The following TLE3 variants were observed in gnomAD, a reference collection of about 807,000 sequenced individuals.
TLE3 encodes the protein TLE family member 3, transcriptional corepressor.
TLE3 carries 14 observed loss-of-function variants against 93.0 expected under a neutral mutation model. The observed-to-expected ratio is 0.15, with a 90% CI of 0.10 to 0.24. TLE3 has a LOEUF of 0.24. Ranked by LOEUF, TLE3 falls within the 10% of genes least tolerant of loss-of-function variation. The probability of loss-of-function intolerance (pLI) is 1.00; values close to 1 mark genes in which losing one functional copy is unlikely to be tolerated. For synonymous variants in TLE3, 451 were observed against 425.0 expected, an observed-to-expected ratio of 1.06 and a Z score of -0.75; for missense variants, 693 against 1,046.6, an observed-to-expected ratio of 0.66 and a Z score of 4.66.
rs953666134 is a variant in TLE3, at chr15:70,052,329, G to A, written c.2125+45C>T. ...GTCCTGTTGGGCCAGGCTGCCCTGG[G>A]TTCCCCACCCCACTCCATCAGGCCT... is the stretch of plus-strand genomic sequence containing the variant. On this transcript the variant is annotated intron_variant, in intron 18 of 19. Coordinates refer to ENST00000451782, the MANE Select transcript of TLE3 (RefSeq NM_001105192.3). 3 of 1,598,032 alleles carry A rather than the reference G, an allele frequency of 1.9e-6. No homozygotes were observed. The African/African-American group carries it at 4.0e-5, about 21-fold the overall frequency.
At chr15:70,051,720 C>T (rs992272934) in intron 18 of TLE3, among the ~76,000 whole-genome samples, 24 of 152,132 alleles carry the variant, frequency 1.6e-4, no homozygotes, top group African/African-American at 5.1e-4. Flanking sequence ...GCAGTGATAA[C>T]GCTGCCTCAA....
chr15:70,084,717 G>A (rs146151173), intron 4 of TLE3, among the ~76,000 whole-genome samples: 285 of 150,790 alleles, frequency 1.9e-3, no homozygotes, highest in African/African-American at 6.6e-3. Context: ...TATCTGATGC[G>A]TGGCGCCCAC....
chr15:70,097,728 G>C lies in TLE3; in HGVS notation c.-930C>G. 5.1e-6 allele frequency: 2 copies of C among 395,736 alleles called. No homozygotes were observed. Among genetic ancestry groups the C allele is most frequent in the Admixed American group, 4.4e-5 (1 of 22,630 alleles). 24.5% of individuals were successfully genotyped at this position (395,736 alleles called of 1,614,324 possible). ...CTCTACGGCTTCCTTCCTTCCCCTC[G>C]GCCCGGCTCTCCTCTCCGCGCCCCG... On this transcript the variant is annotated 5_prime_UTR_variant, in exon 1 of 20. Transcript: ENST00000451782.
chr15:70,074,713 G>C (rs1400554502), intron 5 of TLE3, 106 bp from the exon 6 acceptor site: 1 of 881,956 alleles, frequency 1.1e-6, no homozygotes, highest in African/African-American at 1.7e-5. Context: ...AGAGCAGACA[G>C]AGGAGTCCCA....
At chr15:70,080,398 C>G (rs371918568) in intron 4 of TLE3, among the ~76,000 whole-genome samples, 2 of 152,120 alleles carry the variant, frequency 1.3e-5, no homozygotes, top group Non-Finnish European at 2.9e-5. Context: ...AAAGCAGGCG[C>G]TTTGTTGGTG....
At chr15:70,062,686 A>T (rs1170926909) in intron 8 of TLE3, among the ~76,000 whole-genome samples, 7 of 150,754 alleles carry the variant, frequency 4.6e-5, no homozygotes, top group Non-Finnish European at 8.8e-5. Flanking sequence ...TCCCACTCTG[A>T]CACAGCCCTG....
At chr15:70,070,239 G>A (rs1042629200) in intron 6 of TLE3, among the ~76,000 whole-genome samples, 1 of 152,260 alleles carries the variant, frequency 6.6e-6, no homozygotes, top group Non-Finnish European at 1.5e-5. Context: ...CCACACAAGT[G>A]ATAAGCACCC....
chr15:70,083,532 C>G (rs985175492), intron 4 of TLE3, among the ~76,000 whole-genome samples: 6 of 127,894 alleles, frequency 4.7e-5, no homozygotes, highest in African/African-American at 1.2e-4. Context: ...TTCCCTCTCT[C>G]CTTCCCCCTC....
Position 70,097,816 on chromosome 15 carries a change from CAAA to C in TLE3, c.-1021_-1019del. The C allele has an allele frequency of 6.1e-6, 2 of 329,378 alleles. No homozygotes were observed. Among genetic ancestry groups the C allele is most frequent in the East Asian group, 4.5e-5 (1 of 22,416 alleles). 20.4% of individuals were successfully genotyped at this position (329,378 alleles called of 1,614,324 possible). ...CGCGCGCACGCACACACACACACAC[CAAA>C]AAAAAAAGTGCCCCGGACCTACGGA... On this transcript the variant is annotated 5_prime_UTR_variant, in exon 1 of 20. Coordinates refer to ENST00000451782, the MANE Select transcript of TLE3 (RefSeq NM_001105192.3).
intron 6 of TLE3, among the ~76,000 whole-genome samples, chr15:70,071,554 T>C (rs182322232): frequency 1.3e-5 from 2 of 152,296 alleles, no homozygotes; most frequent in Admixed American, 1.3e-4. Context: ...TGATTTCTCT[T>C]TGAGTTGAGT....
At chr15:70,078,800 T>C (rs2057588731) in intron 4 of TLE3, among the ~76,000 whole-genome samples, 1 of 152,150 alleles carries the variant, frequency 6.6e-6, no homozygotes, top group Non-Finnish European at 1.5e-5. Context: ...ACATCCCCAG[T>C]CATTCTGGCC....
At position 70,054,796 on chromosome 15, in the gene TLE3, C is replaced by G. The variant is rs1410479098; in HGVS notation, c.1579-111G>C. The stretch of plus-strand genomic sequence containing the variant: ...TCACCAGTCCTGCTTACAGCCTCCC[C>G]CTATACCCAGCAGCTGCCAGGCTGT... On this transcript the variant is annotated intron_variant, in intron 15 of 19. Coordinates refer to ENST00000451782, the MANE Select transcript of TLE3 (RefSeq NM_001105192.3). 9.3e-6 allele frequency: 13 copies of G among 1,396,354 alleles called. No individual in the cohort carries two copies. In the East Asian group the frequency reaches 2.0e-4, roughly 22 times the overall value. 86.5% of individuals were successfully genotyped at this position (1,396,354 alleles called of 1,614,324 possible).
Position 70,097,873 on chromosome 15 carries a change from A to T in TLE3, c.-1075T>A, listed in dbSNP as rs1041885682. The T allele has an allele frequency of 6.3e-6, 2 of 317,100 alleles. No homozygotes were observed. The highest frequency in any genetic ancestry group is 3.2e-4 in the South Asian group (2 of 6,338). 19.6% of individuals were successfully genotyped at this position (317,100 alleles called of 1,614,324 possible). On this transcript the variant is annotated 5_prime_UTR_variant, in exon 1 of 20. Coordinates refer to ENST00000451782, the MANE Select transcript of TLE3 (RefSeq NM_001105192.3). ...CACACACAGACAGGCGAAGGGGACGAGCACGAGGTCTGAACTGCCGCGAGA... is the reference window on the plus strand; with the variant it reads ...CACACACAGACAGGCGAAGGGGACGTGCACGAGGTCTGAACTGCCGCGAGA...
At chr15:70,052,005 C>CG (rs2055595735) in intron 18 of TLE3, among the ~76,000 whole-genome samples, 2 of 152,214 alleles carry the variant, frequency 1.3e-5, no homozygotes, top group South Asian at 2.1e-4. Context: ...CAAGACTGCA[C>CG]AGCTTGTCAG....
At chr15:70,056,999 C>T (rs1342588874) in intron 13 of TLE3, among the ~76,000 whole-genome samples, 2 of 152,216 alleles carry the variant, frequency 1.3e-5, no homozygotes, top group Admixed American at 6.5e-5. Context: ...GTGATCCACC[C>T]GCCTTGGCCT....
intron 4 of TLE3, among the ~76,000 whole-genome samples, chr15:70,089,897 G>T (rs1052567603): frequency 6.6e-6 from 1 of 152,212 alleles, no homozygotes; most frequent in African/African-American, 2.4e-5. Flanking sequence ...GAAGAACTCC[G>T]TGTCTGCCAC....
chr15:70,074,943 T>A (rs1042112996), intron 5 of TLE3, among the ~76,000 whole-genome samples: 1 of 152,246 alleles, frequency 6.6e-6, no homozygotes, highest in African/African-American at 2.4e-5. Flanking sequence ...TATTACAGGA[T>A]GATTATTAAT....
chr15:70,052,796 A>G, intron 17 of TLE3: 1 of 335,172 alleles, frequency 3.0e-6, no homozygotes, highest in South Asian at 9.2e-5. Context: ...TTAAAAATTT[A>G]AGATTAAAAT....
intron 4 of TLE3, among the ~76,000 whole-genome samples, chr15:70,091,675 A>G (rs1432565044): frequency 6.6e-6 from 1 of 152,242 alleles, no homozygotes; most frequent in East Asian, 1.9e-4. Context: ...AGAGAGACAG[A>G]GAAACAGCCA....
Sources: gnomAD v4.1 joint callset for allele counts (sites outside exome capture counted in the v4.1 genomes callset) on GRCh38, gnomAD v4.1.1 for gene constraint, MANE v1.5 for transcripts, NCBI Gene and HGNC (gene_info 2026-07-23, HGNC 2026-07-21) for gene names.